Variants in MYOCOS observed in about 807,000 individuals in gnomAD.
MYOCOS encodes the protein myocilin opposite strand protein.
At chr1:171,605,371 T>C (rs1652222047) in intron 1 of MYOCOS, among the ~76,000 whole-genome samples, 1 of 65,560 alleles carries the variant, frequency 1.5e-5, no homozygotes, top group East Asian at 4.7e-4. Context: ...ATATTAATAG[T>C]ACCACACACA....
At chr1:171,614,660 G>A (rs963217381) in intron 1 of MYOCOS, 1 of 152,210 alleles carries the variant, frequency 6.6e-6, no homozygotes, top group East Asian at 1.9e-4. Context: ...CCCAGCAGTG[G>A]GGGAACAACT....
Position 171,602,244 on chromosome 1 carries a change from T to C in MYOCOS, c.-252+1164T>C, listed in dbSNP as rs139011394. Among the ~76,000 whole-genome samples, 122 of 152,194 alleles carry C rather than the reference T, an allele frequency of 8.0e-4. No homozygotes were observed. The East Asian group carries it at 0.022, about 28-fold the overall frequency. ...TGCGAAAGTCGTGAAAGAAAAAATG[T>C]TATAAAAAATTATGCAAAAAATGTT... On this transcript the variant is annotated intron_variant, in intron 1 of 3. Coordinates refer to the MYOCOS transcript ENST00000636697.
At chr1:171,606,136 A>AGAATAGAAATAGAATAG (rs1558078713) in intron 1 of MYOCOS, among the ~76,000 whole-genome samples, 2 of 152,244 alleles carry the variant, frequency 1.3e-5, no homozygotes, top group African/African-American at 4.8e-5. Context: ...AATAGGAGTT[A>AGAATAGAAATAGAATAG]TAATAGTAAT....
At chr1:171,608,272 G>A (rs777967951) in intron 1 of MYOCOS, among the ~76,000 whole-genome samples, 1 of 152,136 alleles carries the variant, frequency 6.6e-6, no homozygotes, top group Non-Finnish European at 1.5e-5. Flanking sequence ...CCATAGTGGA[G>A]TATAAAATTG....
At position 171,623,882 on chromosome 1, in the gene MYOCOS, C is replaced by T; in HGVS notation, c.-2C>T. On this transcript the variant is annotated 5_prime_UTR_variant, in exon 2 of 3. Transcript: ENST00000637642. ...TTCCTCAAATCCCCTGAGTGCAAGG[C>T]CATGGCTCAGAAAAGCCTTGCAAAC... 2.5e-6 allele frequency: 1 copy of T among 398,578 alleles called. No individual in the cohort carries two copies. The allele number at this position is 398,578 out of a possible 1,614,324, so 24.7% of individuals were successfully genotyped here. A position where few individuals can be genotyped will look rare whatever the true frequency, so the allele number is the denominator to read the frequency against.
At chr1:171,601,947 G>A (rs536511770) in intron 1 of MYOCOS, among the ~76,000 whole-genome samples, 1 of 152,030 alleles carries the variant, frequency 6.6e-6, no homozygotes, top group East Asian at 1.9e-4. Context: ...ACAAAGTGAA[G>A]TTTGCTAAAA....
chr1:171,616,459 G>A (rs1163260964), intron 2 of MYOCOS, among the ~76,000 whole-genome samples: 2 of 151,416 alleles, frequency 1.3e-5, no homozygotes, highest in African/African-American at 4.9e-5. Flanking sequence ...AGAATCACTT[G>A]AACCCAGGGA....
chr1:171,616,806 G>A (rs1652457885), intron 2 of MYOCOS, among the ~76,000 whole-genome samples: 1 of 152,162 alleles, frequency 6.6e-6, no homozygotes, highest in South Asian at 2.1e-4. Flanking sequence ...ATAGGCTGAG[G>A]TAAACATCCA....
upstream of MYOCOS, among the ~76,000 whole-genome samples, chr1:171,618,424 T>A (rs1652489049): frequency 6.6e-6 from 1 of 152,258 alleles, no homozygotes; most frequent in Non-Finnish European, 1.5e-5. Context: ...AGCGAGCTAG[T>A]GCAATAGCTT....
Position 171,623,712 on chromosome 1 carries a change from A to C in MYOCOS, c.-43-129A>C, listed in dbSNP as rs763171610. The C allele has an allele frequency of 1.1e-4, 45 of 395,720 alleles. No homozygotes were observed. In the East Asian group the frequency reaches 1.5e-3, roughly 13 times the overall value. The allele number at this position is 395,720 out of a possible 1,614,324, so 24.5% of individuals were successfully genotyped here. A position where few individuals can be genotyped will look rare whatever the true frequency, so the allele number is the denominator to read the frequency against. On this transcript the variant is annotated intron_variant, in intron 1 of 2. Coordinates refer to ENST00000637642, the MANE Select transcript of MYOCOS (RefSeq NM_001391940.1). The stretch of plus-strand genomic sequence containing the variant: ...CTTGGGGGGAAGGGGGATGAAGGCC[A>C]GGCTGTAGGGAGGACCAACTGAGAG...
chr1:171,612,155 C>T (rs1652366687), intron 1 of MYOCOS, among the ~76,000 whole-genome samples: 1 of 152,120 alleles, frequency 6.6e-6, no homozygotes, highest in South Asian at 2.1e-4. Flanking sequence ...CGGCTCACTG[C>T]AACCTCTGTC....
chr1:171,620,773 C>CT (rs34455235), upstream of MYOCOS, among the ~76,000 whole-genome samples: 28,545 of 126,982 alleles, frequency 0.22, 4,127 homozygotes, highest in Middle Eastern at 0.39. Context: ...CTTTTTCTTT[C>CT]TTTTTTTTTT....
At chr1:171,625,669 T>G (rs1652679631) in intron 2 of MYOCOS, among the ~76,000 whole-genome samples, 1 of 152,118 alleles carries the variant, frequency 6.6e-6, no homozygotes, top group Non-Finnish European at 1.5e-5. Flanking sequence ...CCCCACAGCC[T>G]GGGGATGGGG....
chr1:171,606,262 C>G (rs1376014141), intron 1 of MYOCOS, among the ~76,000 whole-genome samples: 2 of 152,138 alleles, frequency 1.3e-5, no homozygotes, highest in East Asian at 3.8e-4. Context: ...ATATAAATCA[C>G]TATCAAACTA....
upstream of MYOCOS, among the ~76,000 whole-genome samples, chr1:171,620,100 A>T (rs1012465730): frequency 7.5e-5 from 11 of 146,128 alleles, no homozygotes; most frequent in Non-Finnish European, 1.7e-4. Flanking sequence ...CTATATATAA[A>T]ATATATATAT....
chr1:171,617,051 CAGAG>C (rs1395260757), intron 2 of MYOCOS, among the ~76,000 whole-genome samples: 1 of 152,098 alleles, frequency 6.6e-6, no homozygotes. Context: ...AGCTTGTGCC[CAGAG>C]AGAGAAAGAG....
intron 1 of MYOCOS, among the ~76,000 whole-genome samples, chr1:171,610,412 T>C (rs1401342305): frequency 6.6e-6 from 1 of 152,248 alleles, no homozygotes. Flanking sequence ...TAGTCTGTTT[T>C]ATGTTGCTAA....
At chr1:171,604,097 T>C (rs2421850) in intron 1 of MYOCOS, 74,811 of 151,772 alleles carry the variant, frequency 0.49, 18,782 homozygotes, top group African/African-American at 0.59. Flanking sequence ...ACTTAGTTTA[T>C]TCTAGTAGGC....
chr1:171,621,565 C>T (rs1174468289), upstream of MYOCOS, among the ~76,000 whole-genome samples: 3 of 151,870 alleles, frequency 2.0e-5, no homozygotes, highest in African/African-American at 4.8e-5. Flanking sequence ...TTAGTAGAGA[C>T]GGGGTTTCGC....
Sources: allele counts gnomAD v4.1 joint callset (sites outside exome capture counted in the v4.1 genomes callset), GRCh38; gene constraint gnomAD v4.1.1; transcripts MANE v1.5; gene names NCBI Gene and HGNC (gene_info 2026-07-23, HGNC 2026-07-21).